Variants in ABCA12 observed in about 807,000 individuals in gnomAD.
The protein encoded by ABCA12 is ATP binding cassette subfamily A member 12.
In ABCA12, 156 loss-of-function variants were observed where a neutral mutation model predicts 293.5. The observed-to-expected ratio is 0.53, with a 90% confidence interval of 0.47 to 0.61. The LOEUF (loss-of-function observed/expected upper bound fraction) is 0.61. Ranked by LOEUF, ABCA12 falls within the 20% of genes least tolerant of loss-of-function variation. The pLI, the probability that ABCA12 is intolerant of heterozygous loss-of-function variation, is 0.00. For synonymous variants in ABCA12, 1,063 were observed against 1,108.0 expected (o/e 0.96, Z 0.81); for missense variants, 2,797 against 3,090.2 (o/e 0.91, Z 2.25).
chr2:214,974,357 A>C (rs1396832426), intron 35 of ABCA12, among the ~76,000 whole-genome samples: 1 of 152,182 alleles, frequency 6.6e-6, no homozygotes, highest in East Asian at 1.9e-4. Flanking sequence ...ACTTTAGCAT[A>C]ATAATACACC....
At chr2:215,123,397 C>G (rs1004644234) in intron 1 of ABCA12, among the ~76,000 whole-genome samples, 1 of 152,092 alleles carries the variant, frequency 6.6e-6, no homozygotes, top group Non-Finnish European at 1.5e-5. Context: ...TCTCAAACTC[C>G]TGATCTCAGG....
chr2:214,980,518 CA>C lies in ABCA12; in HGVS notation c.4704del (p.Phe1568LeufsTer17). On this transcript the variant is annotated frameshift_variant, in exon 31 of 53. Coordinates refer to ENST00000272895, the MANE Select transcript of ABCA12 (RefSeq NM_173076.3). LOFTEE classifies it high-confidence loss of function. ...CGSPFYLKEAFGDGYHLTLTK... is the reference protein window; with the variant it reads ...CGSPFYLKEAXGDGYHLTLTK... ...GTAAGCGTGAGGTGATACCCATCGC[CA>C]AAGGCTTCCTTGAGGTAAAATGGGG... The C allele has an allele frequency of 6.2e-7, 1 of 1,613,910 alleles. No individual in the cohort carries two copies.
At chr2:215,092,837 C>T (rs1026514846) in intron 2 of ABCA12, among the ~76,000 whole-genome samples, 4 of 152,168 alleles carry the variant, frequency 2.6e-5, no homozygotes, top group Non-Finnish European at 5.9e-5. Flanking sequence ...GGATCTCAAA[C>T]ATGCTTCCTT....
At chr2:215,030,330 C>T (rs1175327859) in intron 9 of ABCA12, 1 of 152,022 alleles carries the variant, frequency 6.6e-6, no homozygotes, top group Non-Finnish European at 1.5e-5. Context: ...CGCAGTGGCT[C>T]ACGCCTGTGA....
At chr2:215,126,102 G>T (rs1191266272) in intron 1 of ABCA12, among the ~76,000 whole-genome samples, 1 of 152,100 alleles carries the variant, frequency 6.6e-6, no homozygotes. Context: ...CACATTTATT[G>T]ACTTGCATAT....
At chr2:215,136,438 T>C (rs996267840) in intron 1 of ABCA12, among the ~76,000 whole-genome samples, 1 of 152,126 alleles carries the variant, frequency 6.6e-6, no homozygotes, top group Non-Finnish European at 1.5e-5. Flanking sequence ...AAAACAAACA[T>C]CTTCACCTGA....
intron 1 of ABCA12, among the ~76,000 whole-genome samples, chr2:215,129,011 C>A (rs1702991913): frequency 6.6e-6 from 1 of 152,116 alleles, no homozygotes; most frequent in South Asian, 2.1e-4. Flanking sequence ...AGTACTCTCC[C>A]CCTTTTCCTG....
intron 3 of ABCA12, among the ~76,000 whole-genome samples, chr2:215,055,202 T>C (rs1302869988): frequency 6.6e-6 from 1 of 152,096 alleles, no homozygotes; most frequent in African/African-American, 2.4e-5. Flanking sequence ...TCATCACAGA[T>C]GGCACCAAGT....
intron 21 of ABCA12, among the ~76,000 whole-genome samples, 196 bp downstream of exon 21, chr2:215,001,362 G>T (rs1174908932): frequency 6.6e-6 from 1 of 152,152 alleles, no homozygotes; most frequent in Non-Finnish European, 1.5e-5. Context: ...ATCTTAATTT[G>T]AAGTACACCA....
intron 1 of ABCA12, among the ~76,000 whole-genome samples, chr2:215,113,709 G>T (rs1197746870): frequency 2.6e-5 from 4 of 152,102 alleles, no homozygotes; most frequent in East Asian, 1.9e-4. Flanking sequence ...GAGAAAAAAA[G>T]ATTATATTTT....
At position 215,004,353 on chromosome 2, in the gene ABCA12, A is replaced by G. The variant is rs1700209436; in HGVS notation, c.2593-54T>C. 5.2e-6 allele frequency: 7 copies of G among 1,358,488 alleles called. No individual in the cohort carries two copies. In the Admixed American group the frequency reaches 8.8e-5, roughly 17 times the overall value. 84.2% of individuals were successfully genotyped at this position (1,358,488 alleles called of 1,614,324 possible). On this transcript the variant is annotated intron_variant, in intron 19 of 52. Transcript: ENST00000272895. ...CAATACAAGAAAAATCATGTTTGAC[A>G]TTGTCTCTCTAATAACCACCACAGT...
chr2:215,136,248 G>A (rs547580090), intron 1 of ABCA12, among the ~76,000 whole-genome samples: 1 of 152,244 alleles, frequency 6.6e-6, no homozygotes, highest in African/African-American at 2.4e-5. Context: ...ATAATGCAAG[G>A]TGTCATGCTT....
chr2:215,121,856 C>T (rs549092112), intron 1 of ABCA12, among the ~76,000 whole-genome samples: 13 of 152,268 alleles, frequency 8.5e-5, no homozygotes, highest in African/African-American at 3.1e-4. Context: ...ATCTTTGCTC[C>T]TTCTTTGCCT....
intron 49 of ABCA12, among the ~76,000 whole-genome samples, chr2:214,944,138 C>T (rs926902630): frequency 6.6e-6 from 1 of 150,828 alleles, no homozygotes; most frequent in African/African-American, 2.5e-5. Flanking sequence ...TCAGGCCAGG[C>T]GGGGTGGCTC....
chr2:215,096,079 C>G (rs544004280), intron 2 of ABCA12, among the ~76,000 whole-genome samples: 1 of 152,314 alleles, frequency 6.6e-6, no homozygotes, highest in South Asian at 2.1e-4. Flanking sequence ...GTAGGAAGCT[C>G]TGCCGTTTAC....
chr2:214,950,566 A>T (rs2105927283), intron 45 of ABCA12, among the ~76,000 whole-genome samples: 1 of 149,676 alleles, frequency 6.7e-6, no homozygotes, highest in East Asian at 2.0e-4. Flanking sequence ...GTGCAGTGAT[A>T]CAATCTTGGC....
intron 2 of ABCA12, among the ~76,000 whole-genome samples, chr2:215,086,527 T>C (rs1702041419): frequency 6.6e-6 from 1 of 152,194 alleles, no homozygotes; most frequent in Non-Finnish European, 1.5e-5. Flanking sequence ...AGAAATACTG[T>C]AAATGTACCT....
rs376206913 is a variant in ABCA12 at position 215,019,391 on chromosome 2, C to T, written c.1602G>A (p.Pro534=). 10 of 1,613,234 alleles carry T rather than the reference C, an allele frequency of 6.2e-6. No homozygotes were observed. The East Asian group carries it at 6.7e-5, about 11-fold the overall frequency. The change falls in exon 13 of 53, where the codon CCG becomes CCA. Residue 534 remains proline, a synonymous_variant. Coordinates refer to ENST00000272895, the MANE Select transcript of ABCA12 (RefSeq NM_173076.3). ...TGACATGCAGCATGGCTTCTATGAT[C>T]GGTATTAACTGAGTGATATTTTCCA... ...NYLENITQLI[P]IIEAMLHVNN...
intron 52 of ABCA12, 83 bp from the exon 53 acceptor site, chr2:214,932,824 C>A: frequency 1.0e-6 from 1 of 958,298 alleles, no homozygotes; most frequent in East Asian, 2.5e-5. Flanking sequence ...TCTCTCTCCC[C>A]TTCCTCTCTC....
Sources: allele counts gnomAD v4.1 joint callset (sites outside exome capture counted in the v4.1 genomes callset), GRCh38; gene constraint gnomAD v4.1.1; transcripts MANE v1.5; gene names NCBI Gene and HGNC (gene_info 2026-07-23, HGNC 2026-07-21).